The following TEPSIN variants were observed in gnomAD, a reference collection of about 807,000 sequenced individuals.
The protein encoded by TEPSIN is TEPSIN adaptor related protein complex 4 accessory protein.
Under a neutral mutation model 48.5 loss-of-function variants are expected in TEPSIN, and 50 were observed. That is an observed-to-expected ratio of 1.03 (90% CI 0.82 to 1.31). The LOEUF is 1.31. Ranked by LOEUF, TEPSIN falls within the 50% of genes most tolerant of loss-of-function variation. TEPSIN has a pLI of 0.00. For missense variants in TEPSIN, 838 were observed against 815.9 expected, an observed-to-expected ratio of 1.03 and a Z score of -0.33; for synonymous variants, 392 against 358.8, an observed-to-expected ratio of 1.09 and a Z score of -1.05.
intron 4 of TEPSIN, among the ~76,000 whole-genome samples, chr17:81,235,842 G>A (rs1024243844): frequency 6.6e-6 from 1 of 152,218 alleles, no homozygotes; most frequent in Admixed American, 6.5e-5. Context: ...TGTCTATGGC[G>A]GCCCAGGGCA....
Position 81,231,776 on chromosome 17 carries a change from G to A in TEPSIN, c.905+71C>T, listed in dbSNP as rs912873948. ...GCATGGGGGAGAACCTGGAGAGCAG[G>A]AGCCGCGCTGGGAGGGGGACAGTGT... On this transcript the variant is annotated intron_variant, in intron 9 of 12. Coordinates refer to ENST00000637944, the MANE Select transcript of TEPSIN (RefSeq NM_001363764.2). The A allele has an allele frequency of 7.5e-6, 12 of 1,606,002 alleles. No individual in the cohort carries two copies. In the South Asian group the frequency reaches 8.8e-5, roughly 12 times the overall value.
Position 81,229,155 on chromosome 17 carries a change from C to G in TEPSIN, c.1555G>C (p.Gly519Arg). The G allele has an allele frequency of 6.2e-7, 1 of 1,612,292 alleles. No homozygotes were observed. Among genetic ancestry groups the G allele is most frequent in the Non-Finnish European group, 8.5e-7 (1 of 1,179,672 alleles). ...CCTCTCTTTGGGCTGTCCGTGCCCC[C>G]TGGGATCCGTTCAGGTCTCCACCGC... ...SRRWRPERIP[G>R]GTDSPKRGPS... The change falls in exon 13 of 13, where the codon GGG (glycine) becomes CGG (arginine). Residue 519 changes from glycine (G) to arginine (R), a missense_variant. Gly to Arg is a moderately radical substitution (Grantham distance 125). Transcript: ENST00000637944.
rs771790194 is a variant in TEPSIN, at chr17:81,228,944, G to T, written c.1766C>A (p.Ala589Glu). The change falls in exon 13 of 13, where the codon GCG (alanine) becomes GAG (glutamate). Residue 589 changes from alanine to glutamate, a missense_variant. Ala to Glu is a moderately radical substitution (Grantham distance 107). Coordinates refer to ENST00000637944, the MANE Select transcript of TEPSIN (RefSeq NM_001363764.2). Reference protein sequence around the residue: ...EPPGSEPSAFAFLNA With the variant: ...EPPGSEPSAFEFLNA ...GCCATCGGGTCAGGCGTTCAGGAAC[G>T]CGAAAGCTGACGGCTCTGAGCCAGG... 1 of 1,613,564 alleles carries T rather than the reference G, an allele frequency of 6.2e-7. No homozygotes were observed. Among genetic ancestry groups the T allele is most frequent in the South Asian group, 1.1e-5 (1 of 91,066 alleles).
Position 81,232,327 on chromosome 17 carries a change from G to A in TEPSIN, c.718C>T (p.Pro240Ser). The A allele has an allele frequency of 6.5e-7, 1 of 1,529,670 alleles. No individual in the cohort carries two copies. Among genetic ancestry groups the A allele is most frequent in the South Asian group, 1.2e-5 (1 of 83,798 alleles). The allele number at this position is 1,529,670 out of a possible 1,614,324, so 94.8% of individuals were successfully genotyped here. A position where few individuals can be genotyped will look rare whatever the true frequency, so the allele number is the denominator to read the frequency against. Reference sequence around the variant, plus strand: ...CTCGCCTCGATACCTCGGGGACCTGGAATGGCCCCGGGGAGTAGGTTCCCC... The same window carrying A: ...CTCGCCTCGATACCTCGGGGACCTGAAATGGCCCCGGGGAGTAGGTTCCCC... ...TLGNLLPGAI[P>S]GPRAVRHQPG... Residue 240 changes from proline to serine, a missense_variant, in exon 8 of 13, where the codon CCA (proline) becomes TCA (serine). Physicochemically the swap from Pro to Ser is moderately conservative, Grantham distance 74. Transcript: ENST00000637944.
At chr17:81,231,816 C>G (rs1233285838) in intron 9 of TEPSIN, 31 bp downstream of exon 9, 1 of 1,610,566 alleles carries the variant, frequency 6.2e-7, no homozygotes, top group Admixed American at 1.7e-5. Flanking sequence ...CCTCCGAGAC[C>G]TCTCCCACAT....
Position 81,230,556 on chromosome 17 carries a change from G to A in TEPSIN, c.1221C>T (p.Asn407=), listed in dbSNP as rs781243444. 6.2e-7 allele frequency: 1 copy of A among 1,611,806 alleles called. No homozygotes were observed. The highest frequency in any genetic ancestry group is 8.5e-7 in the Non-Finnish European group (1 of 1,179,356). The change falls in exon 12 of 13, where the codon AAC becomes AAT. Residue 407 remains asparagine, a synonymous_variant. Transcript: ENST00000637944. This position sits in a 1 kb window ranked among gnomAD's most constrained non-coding sequence, Gnocchi z 4.2. The part of the protein sequence containing the change: ...LSMGSPGPVT[N]KATKILRHFE... ...CGCAGCTGCCCACCTTGGTGGCCTT[G>A]TTGGTCACAGGTCCCGGGCTGCCCA...
In TEPSIN at chr17:81,230,328, TG is replaced by T; in HGVS notation, c.1233+215del. On this transcript the variant is annotated intron_variant, in intron 12 of 12. Coordinates refer to ENST00000637944, the MANE Select transcript of TEPSIN (RefSeq NM_001363764.2). The surrounding 1 kb of genome is among the most constrained non-coding windows in gnomAD (Gnocchi z 4.2). ...GGAATAGGTAGAGGCCAGTGTACTG[TG>T]AGTGCTGCAGAGTTTGGGTGGAAGG... is the stretch of plus-strand genomic sequence containing the variant. The T allele has an allele frequency of 9.8e-6, 2 of 203,660 alleles. No homozygotes were observed. Among genetic ancestry groups the T allele is most frequent in the Non-Finnish European group, 2.1e-5 (2 of 95,280 alleles). The allele number at this position is 203,660 out of a possible 1,614,324, so 12.6% of individuals were successfully genotyped here.
At chr17:81,235,044 C>T (rs759964573) in intron 4 of TEPSIN, among the ~76,000 whole-genome samples, 7 of 152,170 alleles carry the variant, frequency 4.6e-5, no homozygotes, top group South Asian at 4.1e-4. Context: ...CTTCTCCAGC[C>T]GGGAAGATGC....
In TEPSIN at chr17:81,236,809, G is replaced by A. The variant is rs1037530545; in HGVS notation, c.214-8C>T. 8.3e-6 allele frequency: 13 copies of A among 1,559,526 alleles called. No individual in the cohort carries two copies. In the Admixed American group the frequency reaches 1.5e-4, roughly 18 times the overall value. On this transcript the variant is annotated splice_region_variant and splice_polypyrimidine_tract_variant and intron_variant, in intron 3 of 12. Coordinates refer to ENST00000637944, the MANE Select transcript of TEPSIN (RefSeq NM_001363764.2). ...GAGCAGGATCTTCAGCACCTGGGGA[G>A]TGGGGCGGTCAGCAGTGCTGGGCAG...
chr17:81,238,826 G>A, intron 1 of TEPSIN, 160 bp downstream of exon 1: 8 of 1,311,884 alleles, frequency 6.1e-6, no homozygotes, highest in Non-Finnish European at 7.8e-6. Flanking sequence ...ACGGCGCGGC[G>A]GGCGGGCAGC....
Position 81,237,880 on chromosome 17 carries a change from C to T in TEPSIN, c.49-421G>A, listed in dbSNP as rs145749626. 461 of 762,028 alleles carry T rather than the reference C, an allele frequency of 6.0e-4. 1 individual carries two copies. The African/African-American group carries it at 8.2e-3, about 14-fold the overall frequency. 47.2% of individuals were successfully genotyped at this position (762,028 alleles called of 1,614,324 possible). A position where few individuals can be genotyped will look rare whatever the true frequency, so the allele number is the denominator to read the frequency against. The stretch of plus-strand genomic sequence containing the variant: ...TGAATCGTTCCACCTCCCCAGAGGC[C>T]GGAATGGCAGAGTGACAGCCGCTCA... On this transcript the variant is annotated intron_variant, in intron 1 of 12. Transcript: ENST00000637944.
Position 81,228,851 on chromosome 17 carries a change from C to T in TEPSIN, c.*77G>A, listed in dbSNP as rs959509410. 3.9e-5 allele frequency: 61 copies of T among 1,560,012 alleles called. No individual in the cohort carries two copies. Among genetic ancestry groups the T allele is most frequent in the African/African-American group, 5.5e-5 (4 of 73,210 alleles). The stretch of plus-strand genomic sequence containing the variant: ...AGCTGCCTGGAGACTGTAGCAGCTA[C>T]GGTTGAGGCTGCTCAGGAAGCACAG... On this transcript the variant is annotated 3_prime_UTR_variant, in exon 13 of 13. Transcript: ENST00000637944.
At chr17:81,232,695 C>T (rs1017616393) in intron 7 of TEPSIN, 177 bp from the exon 8 acceptor site, 35 of 589,896 alleles carry the variant, frequency 5.9e-5, no homozygotes, top group Admixed American at 1.6e-4. Context: ...CAGTGGACTC[C>T]GCTTTGGCAT....
At chr17:81,236,836 C>A (rs2062730944) in intron 3 of TEPSIN, 35 bp from the exon 4 acceptor site, 15 of 1,550,582 alleles carry the variant, frequency 9.7e-6, no homozygotes, top group Non-Finnish European at 1.3e-5. Flanking sequence ...GCTGGGCAGG[C>A]CGGACACGGG....
Position 81,231,660 on chromosome 17 carries a change from G to A in TEPSIN, c.937C>T (p.Gln313Ter). 6.2e-7 allele frequency: 1 copy of A among 1,613,078 alleles called. No homozygotes were observed. Among genetic ancestry groups the A allele is most frequent in the Non-Finnish European group, 8.5e-7 (1 of 1,179,726 alleles). Residue 313 changes from glutamine to a stop codon, truncating the protein, a stop_gained, in exon 10 of 13, where the codon CAG (glutamine) becomes TAG (stop). Transcript: ENST00000637944. LOFTEE classifies it high-confidence loss of function. ...ACAGTCCTCACCAAGCTCAACTCCTGCTGACAGTCACTCAGGGCCACCACC... is the reference window on the plus strand; with the variant it reads ...ACAGTCCTCACCAAGCTCAACTCCTACTGACAGTCACTCAGGGCCACCACC... The part of the protein sequence containing the change: ...VEVVALSDCQ[Q>*]ELSLVRTVTR...
intron 7 of TEPSIN, 24 bp from the exon 8 acceptor site, chr17:81,232,542 G>A: frequency 1.3e-6 from 2 of 1,523,260 alleles, no homozygotes; most frequent in Non-Finnish European, 1.8e-6. Context: ...GAGGGAGATG[G>A]GACGGCCGCC....
Position 81,231,708 on chromosome 17 carries a change from C to A in TEPSIN, c.906-17G>T. The A allele has an allele frequency of 1.9e-6, 3 of 1,610,072 alleles. No individual in the cohort carries two copies. Among genetic ancestry groups the A allele is most frequent in the Non-Finnish European group, 2.5e-6 (3 of 1,178,420 alleles). ...ACCTCGACCCTGCCAGGGGGAATGGCCGGGTCAAGGGTGAGTGGAGGCCAT... is the reference window on the plus strand; with the variant it reads ...ACCTCGACCCTGCCAGGGGGAATGGACGGGTCAAGGGTGAGTGGAGGCCAT... On this transcript the variant is annotated splice_polypyrimidine_tract_variant and intron_variant, in intron 9 of 12. Transcript: ENST00000637944.
intron 3 of TEPSIN, 43 bp downstream of exon 3, chr17:81,236,937 G>C: frequency 6.5e-7 from 1 of 1,541,882 alleles, no homozygotes; most frequent in Non-Finnish European, 8.8e-7. Flanking sequence ...TCACCACCGT[G>C]GGCCGGGCCT....
chr17:81,231,863 C>T lies in TEPSIN; in HGVS notation c.889G>A (p.Gly297Ser), dbSNP rs1160666176. The change falls in exon 9 of 13, where the codon GGT becomes AGT. Residue 297 changes from glycine to serine, a missense_variant. Physicochemically the swap from Gly to Ser is moderately conservative, Grantham distance 56. Coordinates refer to ENST00000637944, the MANE Select transcript of TEPSIN (RefSeq NM_001363764.2). ...DSHSGASREP[G>S]DLAERVEVVA... ...CCCGCTCACCTTTCTGCCAGGTCACCCGGCTCCCGGCTGGCCCCTGAATGG... is the reference window on the plus strand; with the variant it reads ...CCCGCTCACCTTTCTGCCAGGTCACTCGGCTCCCGGCTGGCCCCTGAATGG... The T allele has an allele frequency of 2.5e-6, 4 of 1,613,470 alleles. No individual in the cohort carries two copies. In the South Asian group the frequency reaches 3.3e-5, roughly 13 times the overall value.
Sources: gnomAD v4.1 joint callset for allele counts (sites outside exome capture counted in the v4.1 genomes callset) on GRCh38, gnomAD v4.1.1 for gene constraint, Gnocchi (gnomAD v3.1) non-coding constraint, MANE v1.5 for transcripts, NCBI Gene and HGNC (gene_info 2026-07-23, HGNC 2026-07-21) for gene names.